ST6GALNAC3: variants seen among roughly 807,000 people sequenced by gnomAD.
ST6GALNAC3 encodes alpha-N-acetylgalactosaminide alpha-2,6-sialyltransferase 3.
Under a neutral mutation model 32.7 loss-of-function variants are expected in ST6GALNAC3, and 25 were observed. The ratio of observed to expected loss-of-function variants is 0.76; its 90% CI spans 0.56 to 1.07. The LOEUF is 1.07. Among genes scored for constraint, ST6GALNAC3 ranks in the 50% least tolerant of loss-of-function variants. ST6GALNAC3 has a pLI of 0.00. For missense variants in ST6GALNAC3, 355 were observed against 382.4 expected, an observed-to-expected ratio of 0.93 and a Z score of 0.60; for synonymous variants, 129 against 133.1, an observed-to-expected ratio of 0.97 and a Z score of 0.21.
intron 1 of ST6GALNAC3, among the ~76,000 whole-genome samples, chr1:76,239,010 C>G (rs1656821744): frequency 7.0e-6 from 1 of 143,166 alleles, no homozygotes; most frequent in African/African-American, 2.6e-5. Context: ...GAAGTGAGCA[C>G]AAAAGCAAGG....
At chr1:76,431,636 A>T (rs1016793947) in intron 3 of ST6GALNAC3, among the ~76,000 whole-genome samples, 16 of 152,220 alleles carry the variant, frequency 1.1e-4, no homozygotes, top group African/African-American at 3.6e-4. Context: ...AAAGAGCTAC[A>T]AATGAAATGG....
rs1649201259 is a variant in ST6GALNAC3 at position 76,629,888 on chromosome 1, G to A, written c.*1082G>A. On this transcript the variant is annotated 3_prime_UTR_variant, in exon 5 of 5. Coordinates refer to ENST00000328299, the MANE Select transcript of ST6GALNAC3 (RefSeq NM_152996.4). Reference sequence around the variant, plus strand: ...CCAAGTGCCAGCTGTTACACATGGAGAGGAAATGATTCCTTATATTAAACC... The same window carrying A: ...CCAAGTGCCAGCTGTTACACATGGAAAGGAAATGATTCCTTATATTAAACC... 2.0e-6 allele frequency: 2 copies of A among 985,054 alleles called. No individual in the cohort carries two copies. The highest frequency in any genetic ancestry group is 2.4e-6 in the Non-Finnish European group (2 of 829,716). 61.0% of individuals were successfully genotyped at this position (985,054 alleles called of 1,614,324 possible).
intron 2 of ST6GALNAC3, among the ~76,000 whole-genome samples, chr1:76,315,969 T>C (rs1325877269): frequency 6.6e-6 from 1 of 152,118 alleles, no homozygotes; most frequent in Non-Finnish European, 1.5e-5. Flanking sequence ...TTAAAGATCC[T>C]GGACTTGGGG....
intron 1 of ST6GALNAC3, among the ~76,000 whole-genome samples, chr1:76,221,467 G>T (rs913199960): frequency 6.6e-6 from 1 of 152,036 alleles, no homozygotes; most frequent in Non-Finnish European, 1.5e-5. Context: ...ATTACATACC[G>T]TAAAATACCG....
At chr1:76,350,108 C>T (rs1453108997) in intron 2 of ST6GALNAC3, among the ~76,000 whole-genome samples, 1 of 152,042 alleles carries the variant, frequency 6.6e-6, no homozygotes, top group East Asian at 1.9e-4. Flanking sequence ...ATTCATGTAA[C>T]ATTTCTGTTG....
chr1:76,147,318 C>T (rs1650750599), intron 1 of ST6GALNAC3, among the ~76,000 whole-genome samples: 3 of 152,190 alleles, frequency 2.0e-5, no homozygotes, highest in Admixed American at 2.0e-4. Context: ...CTGCCTCAGC[C>T]TCCCAAAGTG....
chr1:76,557,023 T>A (rs917559525), intron 3 of ST6GALNAC3, among the ~76,000 whole-genome samples: 1 of 151,962 alleles, frequency 6.6e-6, no homozygotes, highest in Non-Finnish European at 1.5e-5. Context: ...AGGTCTATTA[T>A]CTATTTTGAG....
intron 1 of ST6GALNAC3, among the ~76,000 whole-genome samples, chr1:76,153,226 A>AT: frequency 6.6e-6 from 1 of 151,876 alleles, no homozygotes; most frequent in Non-Finnish European, 1.5e-5. Context: ...GCCATTGTGA[A>AT]TTTTTTTTCC....
intron 2 of ST6GALNAC3, among the ~76,000 whole-genome samples, chr1:76,329,116 G>C (rs1647137460): frequency 6.6e-6 from 1 of 152,168 alleles, no homozygotes; most frequent in South Asian, 2.1e-4. Flanking sequence ...TCAGTAAGTG[G>C]TGTGCTTGTG....
At chr1:76,544,116 C>T (rs1377263355) in intron 3 of ST6GALNAC3, among the ~76,000 whole-genome samples, 1 of 150,280 alleles carries the variant, frequency 6.7e-6, no homozygotes, top group East Asian at 2.0e-4. Context: ...TTAAATTGAG[C>T]TACGTACTCT....
chr1:76,494,649 G>GCGCACA lies in ST6GALNAC3; in HGVS notation c.623+82233_623+82234insGCACAC, dbSNP rs142496688. 1.4e-3 allele frequency among the ~76,000 whole-genome samples: 98 copies of GCGCACA among 67,722 alleles called. 4 individuals carry two copies. Among genetic ancestry groups the GCGCACA allele is most frequent in the African/African-American group, 6.1e-3 (95 of 15,474 alleles). The allele number at this position is 67,722 out of a possible 152,430, so 44.4% of individuals were successfully genotyped here. A position where few individuals can be genotyped will look rare whatever the true frequency, so the allele number is the denominator to read the frequency against. ...ATAAAAATATATTTCATGTGTATGC[G>GCGCACA]CACACACACACACACACACACACAC... On this transcript the variant is annotated intron_variant, in intron 3 of 4. Transcript: ENST00000328299.
intron 2 of ST6GALNAC3, among the ~76,000 whole-genome samples, chr1:76,389,813 C>T (rs1469838141): frequency 1.3e-5 from 2 of 152,174 alleles, no homozygotes; most frequent in Non-Finnish European, 2.9e-5. Flanking sequence ...TGAAAAAAGT[C>T]ATATTTTGAG....
chr1:76,383,271 A>AT (rs948150568), intron 2 of ST6GALNAC3, among the ~76,000 whole-genome samples: 2 of 151,796 alleles, frequency 1.3e-5, no homozygotes, highest in Non-Finnish European at 2.9e-5. Context: ...CTATTTATTT[A>AT]TTTTTTTTAA....
chr1:76,527,081 C>G (rs916585950), intron 3 of ST6GALNAC3, among the ~76,000 whole-genome samples: 5 of 152,046 alleles, frequency 3.3e-5, no homozygotes, highest in African/African-American at 1.2e-4. Context: ...GAATTGAACT[C>G]TATGATTTGT....
chr1:76,253,933 C>T (rs2100705532), intron 1 of ST6GALNAC3, among the ~76,000 whole-genome samples: 1 of 152,214 alleles, frequency 6.6e-6, no homozygotes. Flanking sequence ...TCAAAGGATT[C>T]TCAAAGCTCC....
intron 2 of ST6GALNAC3, among the ~76,000 whole-genome samples, chr1:76,370,259 G>A (rs1650712756): frequency 6.6e-6 from 1 of 152,120 alleles, no homozygotes; most frequent in Non-Finnish European, 1.5e-5. Context: ...ACTGAACTCT[G>A]TGTGATACAG....
intron 1 of ST6GALNAC3, among the ~76,000 whole-genome samples, chr1:76,095,969 A>C (rs2100761194): frequency 6.6e-6 from 1 of 152,262 alleles, no homozygotes; most frequent in East Asian, 1.9e-4. Flanking sequence ...TCATTGGTTA[A>C]ATCTCCAAAC....
chr1:76,437,717 A>G lies in ST6GALNAC3; in HGVS notation c.623+25300A>G, dbSNP rs536020004. Among the ~76,000 whole-genome samples, 5 of 151,900 alleles carry G rather than the reference A, an allele frequency of 3.3e-5. No homozygotes were observed. The East Asian group carries it at 7.8e-4, about 24-fold the overall frequency. On this transcript the variant is annotated intron_variant, in intron 3 of 4. Coordinates refer to ENST00000328299, the MANE Select transcript of ST6GALNAC3 (RefSeq NM_152996.4). ...CTCAGCCTCCTGAGTAGCTGGGACT[A>G]CAGGCACGCACCACTACGCCCAGCT...
chr1:76,414,303 A>G (rs1359033506), intron 3 of ST6GALNAC3, among the ~76,000 whole-genome samples: 1 of 152,120 alleles, frequency 6.6e-6, no homozygotes, highest in Non-Finnish European at 1.5e-5. Flanking sequence ...GTGCATTCTT[A>G]TCTTTTTCAC....
Sources: allele counts gnomAD v4.1 joint callset (sites outside exome capture counted in the v4.1 genomes callset), GRCh38; gene constraint gnomAD v4.1.1; transcripts MANE v1.5; gene names NCBI Gene and HGNC (gene_info 2026-07-23, HGNC 2026-07-21).